UROC1: variants seen among roughly 807,000 people sequenced by gnomAD.
UROC1 encodes the protein urocanate hydratase.
A neutral mutation model predicts 89.5 loss-of-function variants in UROC1; 79 were observed. That is an observed-to-expected ratio of 0.88 (90% confidence interval 0.74 to 1.06). The LOEUF (loss-of-function observed/expected upper bound fraction) is 1.06. Among genes scored for constraint, UROC1 ranks in the 50% least tolerant of loss-of-function variants. UROC1 has a pLI of 0.00. For missense variants in UROC1, 885 were observed against 907.8 expected (o/e 0.97, Z 0.32); for synonymous variants, 361 against 354.8 (o/e 1.02, Z -0.20).
chr3:126,510,547 A>T, intron 2 of UROC1, 117 bp downstream of exon 2: 1 of 1,502,764 alleles, frequency 6.7e-7, no homozygotes, highest in Non-Finnish European at 9.0e-7. Context: ...CCTGGTCTGG[A>T]CAGACTGGGT....
intron 14 of UROC1, among the ~76,000 whole-genome samples, chr3:126,497,724 G>A (rs759062337): frequency 4.6e-5 from 7 of 152,340 alleles, no homozygotes; most frequent in South Asian, 2.1e-4. Flanking sequence ...TGCTTCAGCC[G>A]CTTTGAGGGG....
chr3:126,498,124 C>T lies in UROC1; in HGVS notation c.1365G>A (p.Ser455=), dbSNP rs148955397. The T allele has an allele frequency of 4.0e-4, 640 of 1,614,158 alleles. 3 individuals are homozygous for T. Among genetic ancestry groups the T allele is most frequent in the Middle Eastern group, 3.3e-3 (20 of 6,062 alleles). ...GFGPFRWVCT[S]GDPQDLAVTD... ...TGACCGCCAGGTCCTGGGGGTCCCC[C>T]GATGTGCACACCCAGCGGAAAGGCC... Residue 455 remains serine, a synonymous_variant, in exon 14 of 20, where the codon TCG becomes TCA. Coordinates refer to ENST00000290868, the MANE Select transcript of UROC1 (RefSeq NM_144639.3).
At chr3:126,499,990 C>T (rs1388425059) in intron 12 of UROC1, 67 bp downstream of exon 12, 36 of 1,482,558 alleles carry the variant, frequency 2.4e-5, no homozygotes, top group Non-Finnish European at 3.4e-5. Context: ...GAGCCAGTGG[C>T]ACTGGCCTGA....
intron 18 of UROC1, among the ~76,000 whole-genome samples, chr3:126,485,560 A>C (rs1263430974): frequency 1.3e-5 from 2 of 150,178 alleles, no homozygotes; most frequent in African/African-American, 4.9e-5. Flanking sequence ...ATTCCACCCC[A>C]CACCTGCTTT....
chr3:126,482,260 G>C lies in UROC1; in HGVS notation c.*85C>G. 1 of 1,575,582 alleles carries C rather than the reference G, an allele frequency of 6.3e-7. No homozygotes were observed. Among genetic ancestry groups the C allele is most frequent in the South Asian group, 1.1e-5 (1 of 87,852 alleles). ...TGTGCGAGAAGTGCAGGTAGTGCGG[G>C]TGTGCAGGAAGGGTGTGTGCCATGG... is the stretch of plus-strand genomic sequence containing the variant. On this transcript the variant is annotated 3_prime_UTR_variant, in exon 20 of 20. Coordinates refer to ENST00000290868, the MANE Select transcript of UROC1 (RefSeq NM_144639.3).
chr3:126,493,212 C>CTGAAGACATTTT lies in UROC1; in HGVS notation c.1510-708_1510-697dup, dbSNP rs538117152. Among the ~76,000 whole-genome samples, 832 of 152,252 alleles carry CTGAAGACATTTT rather than the reference C, an allele frequency of 5.5e-3. 9 individuals carry two copies. The highest frequency in any genetic ancestry group is 0.019 in the African/African-American group (794 of 41,540). On this transcript the variant is annotated intron_variant, in intron 15 of 19. Coordinates refer to ENST00000290868, the MANE Select transcript of UROC1 (RefSeq NM_144639.3). The stretch of plus-strand genomic sequence containing the variant: ...CAAGCAGGATGACATTTGGCAATGA[C>CTGAAGACATTTT]TGAAGACATTTTTGGGTGCTGCTGG...
rs199712731 is a variant in UROC1 at position 126,482,378 on chromosome 3, G to T, written c.1998C>A (p.Asp666Glu). ...LVVTLPHKVE[D>E]ERVLQQALQL ...GCAGGGCCTGCTGGAGCACCCGCTC[G>T]TCCTCCACCTTGTGAGGCAGTGTCA... is the stretch of plus-strand genomic sequence containing the variant. Residue 666 changes from aspartate to glutamate, a missense_variant, in exon 20 of 20, where the codon GAC (aspartate) becomes GAA (glutamate). Physicochemically the swap from Asp to Glu is conservative, Grantham distance 45 (BLOSUM62 2). Coordinates refer to ENST00000290868, the MANE Select transcript of UROC1 (RefSeq NM_144639.3). 8 of 1,613,590 alleles carry T rather than the reference G, an allele frequency of 5.0e-6. No homozygotes were observed. The East Asian group carries it at 1.6e-4, about 31-fold the overall frequency.
intron 15 of UROC1, among the ~76,000 whole-genome samples, chr3:126,494,725 C>T (rs1935738274): frequency 2.0e-5 from 3 of 152,190 alleles, no homozygotes; most frequent in South Asian, 2.1e-4. Flanking sequence ...AAGGGCTGGT[C>T]CCTCTGCCTC....
intron 15 of UROC1, 92 bp from the exon 16 acceptor site, chr3:126,492,608 T>C (rs1935681217): frequency 2.0e-6 from 2 of 1,005,888 alleles, no homozygotes; most frequent in Non-Finnish European, 3.0e-6. Flanking sequence ...ACTTCCACTG[T>C]GGGACATGGC....
chr3:126,509,807 C>T (rs917283508), intron 2 of UROC1, 129 bp from the exon 3 acceptor site: 27 of 888,386 alleles, frequency 3.0e-5, no homozygotes, highest in African/African-American at 1.5e-4. Flanking sequence ...TAGCTAGGAA[C>T]GTACAGTGGG....
At chr3:126,487,117 G>A (rs921888314) in intron 18 of UROC1, among the ~76,000 whole-genome samples, 5 of 152,154 alleles carry the variant, frequency 3.3e-5, no homozygotes, top group African/African-American at 1.2e-4. Flanking sequence ...TGGCCCTGCT[G>A]TCCCTGCCCT....
chr3:126,482,594 C>T lies in UROC1; in HGVS notation c.1891-109G>A, dbSNP rs1332909769. Reference sequence around the variant, plus strand: ...CTGCTTCGGGACCTCTGAGGCTGTCCGTGGGGACAGCTGCCCTTTTGTGTC... The same window carrying T: ...CTGCTTCGGGACCTCTGAGGCTGTCTGTGGGGACAGCTGCCCTTTTGTGTC... On this transcript the variant is annotated intron_variant, in intron 19 of 19. Coordinates refer to ENST00000290868, the MANE Select transcript of UROC1 (RefSeq NM_144639.3). 1.6e-5 allele frequency: 24 copies of T among 1,535,540 alleles called. No homozygotes were observed. In the East Asian group the frequency reaches 1.6e-4, roughly 10 times the overall value.
Position 126,499,394 on chromosome 3 carries a change from T to G in UROC1, c.1259A>C (p.Lys420Thr). The change falls in exon 13 of 20, where the codon AAG becomes ACG. Residue 420 changes from lysine (K) to threonine (T), a missense_variant. Lys to Thr is a moderately conservative substitution (Grantham distance 78, BLOSUM62 -1). Coordinates refer to ENST00000290868, the MANE Select transcript of UROC1 (RefSeq NM_144639.3). ...EAQRAGADVEKKGAGRTEFRY... is the reference protein window; with the variant it reads ...EAQRAGADVETKGAGRTEFRY... ...GAACTCTGTCCTGCCAGCACCTTTC[T>G]TCTCCACATCCGCTCCTGTGGGCAG... The G allele has an allele frequency of 2.5e-6, 4 of 1,612,860 alleles. No homozygotes were observed. The highest frequency in any genetic ancestry group is 3.4e-6 in the Non-Finnish European group (4 of 1,179,734).
At chr3:126,486,873 T>C (rs1935530030) in intron 18 of UROC1, among the ~76,000 whole-genome samples, 1 of 152,206 alleles carries the variant, frequency 6.6e-6, no homozygotes, top group African/African-American at 2.4e-5. Context: ...AGACATTTTT[T>C]CCGATGGGTT....
chr3:126,505,974 C>G lies in UROC1; in HGVS notation c.640G>C (p.Gly214Arg), dbSNP rs751617501. The G allele has an allele frequency of 1.9e-6, 3 of 1,613,404 alleles. No homozygotes were observed. In the Admixed American group the frequency reaches 5.0e-5, roughly 27 times the overall value. Residue 214 changes from glycine (G) to arginine (R), a missense_variant, in exon 7 of 20, where the codon GGT becomes CGT. Physicochemically the swap from Gly to Arg is moderately radical, Grantham distance 125. Coordinates refer to ENST00000290868, the MANE Select transcript of UROC1 (RefSeq NM_144639.3). ...QMTAGSYCYI[G>R]PQGIVHGTVL... ...GTGCCATGAACGATTCCCTGGGGACCGATGTAGCAGTAGCTACCTGCTGTC... is the reference window on the plus strand; with the variant it reads ...GTGCCATGAACGATTCCCTGGGGACGGATGTAGCAGTAGCTACCTGCTGTC...
chr3:126,500,397 C>T (rs1421651999), intron 11 of UROC1, among the ~76,000 whole-genome samples: 1 of 152,210 alleles, frequency 6.6e-6, no homozygotes, highest in East Asian at 1.9e-4. Flanking sequence ...GTCCCCAACC[C>T]CATCAGGCCC....
rs1219446945 is a variant in UROC1, at chr3:126,500,154, G to C, written c.1146C>G (p.Ser382Arg). The C allele has an allele frequency of 6.2e-7, 1 of 1,613,430 alleles. No individual in the cohort carries two copies. Among genetic ancestry groups the C allele is most frequent in the East Asian group, 2.2e-5 (1 of 44,864 alleles). ...TGATGGCTGAGACTTGCCTCCTCAG[G>C]CTGCAACAAGCCATGGGTCAGCACC... ...PAVFKDLVQE[S>R]LRRQVSAINR... The change falls in exon 12 of 20, where the codon AGC becomes AGG. Residue 382 changes from serine (S) to arginine (R), a missense_variant and splice_region_variant. Ser to Arg is a moderately radical substitution (Grantham distance 110). Coordinates refer to ENST00000290868, the MANE Select transcript of UROC1 (RefSeq NM_144639.3).
At chr3:126,492,347 G>A in intron 16 of UROC1, 71 bp downstream of exon 16, 1 of 1,446,916 alleles carries the variant, frequency 6.9e-7, no homozygotes, top group Non-Finnish European at 9.5e-7. Flanking sequence ...GCACACGCAG[G>A]AAGGCCCAAG....
chr3:126,494,383 C>A (rs552144186), intron 15 of UROC1, among the ~76,000 whole-genome samples: 235 of 152,312 alleles, frequency 1.5e-3, no homozygotes, highest in African/African-American at 4.5e-3. Context: ...GCTATCCCCC[C>A]TCTCTTCTCC....
Sources: allele counts gnomAD v4.1 joint callset (sites outside exome capture counted in the v4.1 genomes callset), GRCh38; gene constraint gnomAD v4.1.1; transcripts MANE v1.5; gene names NCBI Gene and HGNC (gene_info 2026-07-23, HGNC 2026-07-21).